MAF: variants seen among roughly 807,000 people sequenced by gnomAD.
The protein encoded by MAF is MAF bZIP transcription factor, also known as transcription factor Maf.
In MAF, 10 loss-of-function variants were observed where a neutral mutation model predicts 22.0. That is an observed-to-expected ratio of 0.45 (90% CI 0.28 to 0.77). MAF has a LOEUF of 0.77. MAF is among the 30% of genes least tolerant of loss of function. MAF has a pLI of 0.12. For synonymous variants in MAF, 337 were observed against 255.8 expected (o/e 1.32, Z -3.03); for missense variants, 544 against 548.4 (o/e 0.99, Z 0.08).
chr16:79,260,504 T>TATATCC, the MAF span, among the ~76,000 whole-genome samples: 1 of 151,946 alleles, frequency 6.6e-6, no homozygotes, highest in Non-Finnish European at 1.5e-5. Context: ...TATCTATATC[T>TATATCC]ATATATTTGT....
At chr16:79,428,781 G>A in the MAF span, among the ~76,000 whole-genome samples, 1 of 151,934 alleles carries the variant, frequency 6.6e-6, no homozygotes, top group Non-Finnish European at 1.5e-5. Flanking sequence ...GGAGGTCGAG[G>A]CTGCAGTGAG....
At chr16:79,252,001 G>A in the MAF span, among the ~76,000 whole-genome samples, 1 of 152,250 alleles carries the variant, frequency 6.6e-6, no homozygotes, top group South Asian at 2.1e-4. Context: ...TGGTGTAAGG[G>A]AGAACTAAGA....
chr16:79,586,091 G>C (rs552666904), intron 1 of MAF: 5 of 530,682 alleles, frequency 9.4e-6, no homozygotes, highest in Non-Finnish European at 6.5e-6. Context: ...TTGCTTTTGG[G>C]TGGTGGCCTC....
the MAF span, among the ~76,000 whole-genome samples, chr16:79,336,328 G>A: frequency 6.6e-6 from 1 of 152,206 alleles, no homozygotes; most frequent in African/African-American, 2.4e-5. Context: ...TTTTGTAAAG[G>A]AGCGAACCAA....
At chr16:79,335,559 C>A in the MAF span, among the ~76,000 whole-genome samples, 3 of 152,146 alleles carry the variant, frequency 2.0e-5, no homozygotes, top group Non-Finnish European at 4.4e-5. Flanking sequence ...CTGGACTTTC[C>A]AGAGGCAGGT....
At chr16:79,215,607 C>A in the MAF span, among the ~76,000 whole-genome samples, 1 of 152,178 alleles carries the variant, frequency 6.6e-6, no homozygotes, top group African/African-American at 2.4e-5. Context: ...GCAGGGTTCA[C>A]ATCTGCAGGC....
chr16:79,291,880 T>C, the MAF span, among the ~76,000 whole-genome samples: 3 of 150,580 alleles, frequency 2.0e-5, no homozygotes, highest in Non-Finnish European at 2.9e-5. Flanking sequence ...AGGCTCACCT[T>C]GCATAGAGAA....
chr16:79,529,956 C>T, the MAF span, among the ~76,000 whole-genome samples: 1 of 69,250 alleles, frequency 1.4e-5, no homozygotes, highest in African/African-American at 4.3e-5. Flanking sequence ...AGTGAAACTC[C>T]ATCTCAAAAA....
the MAF span, among the ~76,000 whole-genome samples, chr16:79,478,783 C>A: frequency 6.7e-6 from 1 of 149,466 alleles, no homozygotes; most frequent in African/African-American, 2.5e-5. Context: ...CCAGCATACC[C>A]GTATACCATC....
At chr16:79,302,651 A>G in the MAF span, among the ~76,000 whole-genome samples, 9 of 152,250 alleles carry the variant, frequency 5.9e-5, no homozygotes, top group African/African-American at 2.2e-4. Context: ...CTATGTTTTC[A>G]GCTGTAAACA....
At chr16:79,530,669 G>C in the MAF span, among the ~76,000 whole-genome samples, 3 of 152,244 alleles carry the variant, frequency 2.0e-5, no homozygotes, top group South Asian at 4.1e-4. Flanking sequence ...GTATGACTGA[G>C]TGCTTATTAT....
the MAF span, among the ~76,000 whole-genome samples, chr16:79,332,036 G>A: frequency 6.6e-6 from 1 of 152,228 alleles, no homozygotes; most frequent in Non-Finnish European, 1.5e-5. Flanking sequence ...GCTCTAGGAG[G>A]GCAGAAACTT....
chr16:79,322,689 T>C, the MAF span, among the ~76,000 whole-genome samples: 1 of 151,860 alleles, frequency 6.6e-6, no homozygotes, highest in East Asian at 1.9e-4. Flanking sequence ...CTTGTGGGTA[T>C]CTAGGGGGAT....
chr16:79,509,364 G>T, the MAF span, among the ~76,000 whole-genome samples: 2 of 152,242 alleles, frequency 1.3e-5, no homozygotes, highest in African/African-American at 4.8e-5. Context: ...AAGAAGCGGG[G>T]CACATTCCCC....
chr16:79,210,380 C>G, the MAF span, among the ~76,000 whole-genome samples: 1 of 152,168 alleles, frequency 6.6e-6, no homozygotes, highest in Admixed American at 6.5e-5. Flanking sequence ...GCAAACCAGA[C>G]CATTTGAGGG....
the MAF span, among the ~76,000 whole-genome samples, chr16:79,370,533 T>C: frequency 1.3e-5 from 2 of 152,164 alleles, no homozygotes; most frequent in Non-Finnish European, 2.9e-5. Flanking sequence ...TATGAGCATC[T>C]ATAAGGAGCA....
At chr16:79,351,637 A>T in the MAF span, among the ~76,000 whole-genome samples, 10 of 149,494 alleles carry the variant, frequency 6.7e-5, no homozygotes, top group South Asian at 2.1e-3. Context: ...ATTCAGGGAC[A>T]CTTGGAAACA....
the MAF span, among the ~76,000 whole-genome samples, chr16:79,494,345 G>A: frequency 6.6e-6 from 1 of 152,130 alleles, no homozygotes; most frequent in Admixed American, 6.5e-5. Context: ...TGAGGTCTCT[G>A]TTTCCTTGCT....
the MAF span, among the ~76,000 whole-genome samples, chr16:79,324,696 C>T: frequency 2.0e-4 from 30 of 152,228 alleles, no homozygotes; most frequent in Middle Eastern, 6.8e-3. Context: ...GGAGGAGGCA[C>T]AGGCGACAGT....
Sources: allele counts gnomAD v4.1 joint callset (sites outside exome capture counted in the v4.1 genomes callset), GRCh38; gene constraint gnomAD v4.1.1; transcripts MANE v1.5; gene names NCBI Gene and HGNC (gene_info 2026-07-23, HGNC 2026-07-21).